Variants in RBM20 observed in about 807,000 individuals in gnomAD.
RBM20 encodes RNA binding motif protein 20.
A neutral mutation model predicts 110.1 loss-of-function variants in RBM20; 51 were observed. The observed-to-expected ratio is 0.46, with a 90% CI of 0.37 to 0.59. The LOEUF is 0.59. Ranked by LOEUF, RBM20 falls within the 20% of genes least tolerant of loss-of-function variation. The pLI is 0.00. For missense variants in RBM20, 1,512 were observed against 1,574.9 expected, an observed-to-expected ratio of 0.96 and a Z score of 0.68; for synonymous variants, 589 against 618.2, an observed-to-expected ratio of 0.95 and a Z score of 0.70.
At chr10:110,742,179 G>C (rs1270837385) in intron 1 of RBM20, among the ~76,000 whole-genome samples, 2 of 152,304 alleles carry the variant, frequency 1.3e-5, no homozygotes, top group East Asian at 3.9e-4. Context: ...CTGCGATTCT[G>C]CCAGAGGAAT....
chr10:110,831,666 TAAAAA>T (rs869203382), intron 13 of RBM20, among the ~76,000 whole-genome samples: 18 of 58,410 alleles, frequency 3.1e-4, no homozygotes, highest in African/African-American at 1.0e-3. Flanking sequence ...CTTGCTAGAA[TAAAAA>T]AAAAAAAAAA....
intron 1 of RBM20, among the ~76,000 whole-genome samples, chr10:110,726,960 C>A (rs986502434): frequency 2.0e-5 from 3 of 152,078 alleles, no homozygotes; most frequent in African/African-American, 7.2e-5. Flanking sequence ...AATTCTCCTG[C>A]CTCAGCCTCC....
intron 7 of RBM20, among the ~76,000 whole-genome samples, chr10:110,808,983 G>A (rs113557035): frequency 2.0e-5 from 3 of 152,188 alleles, no homozygotes; most frequent in African/African-American, 4.8e-5. Flanking sequence ...GAGAGGCCAA[G>A]GCAGGAGGAT....
At chr10:110,664,843 T>G (rs1460208155) in intron 1 of RBM20, among the ~76,000 whole-genome samples, 2 of 152,112 alleles carry the variant, frequency 1.3e-5, no homozygotes. Context: ...TTCATCCCCT[T>G]TGTCTTCCTC....
intron 1 of RBM20, among the ~76,000 whole-genome samples, chr10:110,711,950 G>A (rs919559945): frequency 6.6e-6 from 1 of 151,962 alleles, no homozygotes; most frequent in Non-Finnish European, 1.5e-5. Context: ...ATGTGTTGTT[G>A]ATCTACAGTG....
In RBM20 at chr10:110,674,861, CTG is replaced by C. The variant is rs368082665; in HGVS notation, c.191+30225_191+30226del. Among the ~76,000 whole-genome samples the C allele has an allele frequency of 6.1e-3, 925 of 152,336 alleles. 12 individuals carry two copies. Among genetic ancestry groups the C allele is most frequent in the Non-Finnish European group, 9.7e-3 (661 of 68,032 alleles). ...ATGCCTATTTGATGTGATTGTGTGT[CTG>C]TGTGTGTGCACACACTAGCTCTGTA... On this transcript the variant is annotated intron_variant, in intron 1 of 13. Coordinates refer to ENST00000369519, the MANE Select transcript of RBM20 (RefSeq NM_001134363.3).
chr10:110,675,206 C>T (rs763216861), intron 1 of RBM20, among the ~76,000 whole-genome samples: 7 of 151,858 alleles, frequency 4.6e-5, no homozygotes, highest in East Asian at 3.9e-4. Context: ...TGGCTATACC[C>T]GGAAAAGAGC....
intron 1 of RBM20, among the ~76,000 whole-genome samples, chr10:110,717,553 G>A (rs1488430957): frequency 6.6e-6 from 1 of 152,202 alleles, no homozygotes; most frequent in Admixed American, 6.5e-5. Flanking sequence ...CTGAGTGTGA[G>A]GTGGAGAGAG....
intron 1 of RBM20, among the ~76,000 whole-genome samples, chr10:110,672,179 A>C (rs1024881012): frequency 6.6e-6 from 1 of 152,122 alleles, no homozygotes; most frequent in South Asian, 2.1e-4. Flanking sequence ...TTCTCCGCGC[A>C]CTTGGACAGG....
chr10:110,758,524 G>A (rs1843951367), intron 1 of RBM20, among the ~76,000 whole-genome samples: 1 of 152,174 alleles, frequency 6.6e-6, no homozygotes, highest in Non-Finnish European at 1.5e-5. Context: ...CAGGACATAT[G>A]GTTCACTCTC....
chr10:110,726,117 C>T (rs1409152098), intron 1 of RBM20, among the ~76,000 whole-genome samples: 1 of 152,204 alleles, frequency 6.6e-6, no homozygotes, highest in Non-Finnish European at 1.5e-5. Flanking sequence ...CTCTCCCTCT[C>T]AGTGGAATGT....
chr10:110,722,815 A>G (rs1403806751), intron 1 of RBM20, among the ~76,000 whole-genome samples: 1 of 152,144 alleles, frequency 6.6e-6, no homozygotes, highest in East Asian at 1.9e-4. Context: ...GGGACTTCAT[A>G]TGATTCTCCC....
chr10:110,645,505 C>T (rs1328922644), intron 1 of RBM20, among the ~76,000 whole-genome samples: 1 of 152,206 alleles, frequency 6.6e-6, no homozygotes, highest in Non-Finnish European at 1.5e-5. Flanking sequence ...ATGATGCGCA[C>T]CTCTGCGAAA....
intron 1 of RBM20, among the ~76,000 whole-genome samples, chr10:110,734,842 T>G (rs74939889): frequency 6.6e-6 from 1 of 152,274 alleles, no homozygotes; most frequent in Non-Finnish European, 1.5e-5. Flanking sequence ...TTAGCGACTT[T>G]TGGTCAACTA....
intron 1 of RBM20, among the ~76,000 whole-genome samples, chr10:110,750,912 G>A (rs1156308159): frequency 6.6e-6 from 1 of 152,148 alleles, no homozygotes; most frequent in Non-Finnish European, 1.5e-5. Flanking sequence ...TTTGTGGGCT[G>A]GTAATTTGAA....
chr10:110,828,165 A>G lies in RBM20; in HGVS notation c.3452-2896A>G, dbSNP rs115045624. On this transcript the variant is annotated intron_variant, in intron 12 of 13. Coordinates refer to ENST00000369519, the MANE Select transcript of RBM20 (RefSeq NM_001134363.3). ...TGACAGAGTTATAATTACCCGTGCC[A>G]TGAGCTGTTATTAGAAGCCAAATGC... Among the ~76,000 whole-genome samples the G allele has an allele frequency of 1.5e-3, 224 of 152,344 alleles. 2 individuals carry two copies. Among genetic ancestry groups the G allele is most frequent in the African/African-American group, 5.2e-3 (215 of 41,568 alleles).
At chr10:110,667,838 G>C (rs939157543) in intron 1 of RBM20, among the ~76,000 whole-genome samples, 1 of 152,092 alleles carries the variant, frequency 6.6e-6, no homozygotes. Context: ...TGGGCCCCTG[G>C]TGTCCTGCTC....
intron 1 of RBM20, among the ~76,000 whole-genome samples, chr10:110,657,828 G>A (rs549445977): frequency 6.6e-6 from 1 of 152,254 alleles, no homozygotes. Flanking sequence ...AGCTTCTCTT[G>A]GGTAAATTTC....
intron 1 of RBM20, among the ~76,000 whole-genome samples, chr10:110,699,012 G>T (rs1862714367): frequency 6.6e-6 from 1 of 152,170 alleles, no homozygotes; most frequent in Non-Finnish European, 1.5e-5. Context: ...CTTCCTGACA[G>T]GGAACATGAT....
Sources: gnomAD v4.1 joint callset for allele counts (sites outside exome capture counted in the v4.1 genomes callset) on GRCh38, gnomAD v4.1.1 for gene constraint, MANE v1.5 for transcripts, NCBI Gene and HGNC (gene_info 2026-07-23, HGNC 2026-07-21) for gene names.